The following CCDC73 variants were observed in gnomAD, a reference collection of about 807,000 sequenced individuals.
The protein encoded by CCDC73 is coiled-coil domain containing 73.
A neutral mutation model predicts 116.5 loss-of-function variants in CCDC73; 95 were observed. That is an observed-to-expected ratio of 0.82 (90% CI 0.69 to 0.97). The LOEUF is 0.97. CCDC73 is among the 50% of genes least tolerant of loss of function. CCDC73 has a pLI of 0.00. For missense variants in CCDC73, 1,066 were observed against 1,206.8 expected, an observed-to-expected ratio of 0.88 and a Z score of 1.73; for synonymous variants, 398 against 401.3, an observed-to-expected ratio of 0.99 and a Z score of 0.10.
At chr11:32,727,919 C>G (rs1590616207) in intron 2 of CCDC73, among the ~76,000 whole-genome samples, 1 of 152,004 alleles carries the variant, frequency 6.6e-6, no homozygotes, top group East Asian at 1.9e-4. Flanking sequence ...TCTATTTCTC[C>G]TTTTCCTCCT....
chr11:32,623,640 C>T (rs114436366), intron 14 of CCDC73, among the ~76,000 whole-genome samples: 2,268 of 152,244 alleles, frequency 0.015, 60 homozygotes, highest in African/African-American at 0.051. Flanking sequence ...ATGCATGAGC[C>T]ACCATGCCCA....
At chr11:32,829,091 C>A in the CCDC73 span, among the ~76,000 whole-genome samples, 1 of 151,728 alleles carries the variant, frequency 6.6e-6, no homozygotes, top group African/African-American at 2.4e-5. Context: ...AAAGTGAGAC[C>A]CCCTACTCTG....
At chr11:32,776,377 A>G (rs1850532477) in intron 1 of CCDC73, among the ~76,000 whole-genome samples, 1 of 152,136 alleles carries the variant, frequency 6.6e-6, no homozygotes, top group Non-Finnish European at 1.5e-5. Flanking sequence ...TTTGTATACA[A>G]ATCAAGCCCA....
the CCDC73 span, among the ~76,000 whole-genome samples, chr11:32,805,445 A>G: frequency 3.1e-3 from 474 of 152,338 alleles, no homozygotes; most frequent in African/African-American, 0.011. Context: ...AGGATGAAAG[A>G]GCTCTTAAAA....
At chr11:32,741,780 G>C (rs1210734930) in intron 2 of CCDC73, among the ~76,000 whole-genome samples, 1 of 151,954 alleles carries the variant, frequency 6.6e-6, no homozygotes, top group African/African-American at 2.4e-5. Context: ...ATGTACATTA[G>C]GTATTTCTCC....
At chr11:32,797,200 T>A (rs1460211070), upstream of CCDC73, among the ~76,000 whole-genome samples, 1 of 152,098 alleles carries the variant, frequency 6.6e-6, no homozygotes, top group Non-Finnish European at 1.5e-5. Flanking sequence ...TAGTCCCAGT[T>A]GCTTTGGAGG....
chr11:32,738,056 C>T (rs1850151461), intron 2 of CCDC73, among the ~76,000 whole-genome samples: 1 of 152,136 alleles, frequency 6.6e-6, no homozygotes, highest in Non-Finnish European at 1.5e-5. Flanking sequence ...GTTATACATT[C>T]ATATACACTG....
At chr11:32,718,238 T>C (rs1231255744) in intron 2 of CCDC73, 91 bp from the exon 3 acceptor site, 22 of 758,072 alleles carry the variant, frequency 2.9e-5, no homozygotes, top group Non-Finnish European at 4.5e-5. Flanking sequence ...AGAAATAGCA[T>C]ACTCCCACCT....
At chr11:32,656,891 A>G (rs952604724) in intron 9 of CCDC73, among the ~76,000 whole-genome samples, 6 of 152,236 alleles carry the variant, frequency 3.9e-5, no homozygotes, top group Non-Finnish European at 8.8e-5. Context: ...TTAGAGTGGC[A>G]AGATTATAGG....
intron 14 of CCDC73, among the ~76,000 whole-genome samples, chr11:32,630,247 A>G (rs1855619506): frequency 6.6e-6 from 1 of 152,236 alleles, no homozygotes; most frequent in Non-Finnish European, 1.5e-5. Flanking sequence ...TATACACGAT[A>G]AATTAAACTC....
At chr11:32,822,925 A>G in the CCDC73 span, among the ~76,000 whole-genome samples, 3 of 152,210 alleles carry the variant, frequency 2.0e-5, no homozygotes, top group African/African-American at 4.8e-5. Context: ...ACCTCATAGT[A>G]GGTTCAATAC....
intron 1 of CCDC73, among the ~76,000 whole-genome samples, chr11:32,761,155 T>C (rs934216483): frequency 1.3e-5 from 2 of 152,188 alleles, no homozygotes; most frequent in African/African-American, 4.8e-5. Context: ...TACTAATCTG[T>C]TATCTATCTC....
intron 7 of CCDC73, among the ~76,000 whole-genome samples, chr11:32,679,610 C>T (rs917250897): frequency 5.3e-5 from 8 of 152,236 alleles, no homozygotes; most frequent in African/African-American, 1.2e-4. Flanking sequence ...GCAATCCACC[C>T]GCCTTGGCCT....
At chr11:32,691,279 C>T (rs1049361057) in intron 6 of CCDC73, among the ~76,000 whole-genome samples, 1 of 152,128 alleles carries the variant, frequency 6.6e-6, no homozygotes, top group Non-Finnish European at 1.5e-5. Context: ...CTCCTGACCT[C>T]TGGTGATCTG....
chr11:32,793,242 G>A (rs1203555312), intron 1 of CCDC73, among the ~76,000 whole-genome samples: 1 of 152,180 alleles, frequency 6.6e-6, no homozygotes, highest in Non-Finnish European at 1.5e-5. Flanking sequence ...CCTGAAACCA[G>A]GGAGAGTTGT....
chr11:32,663,981 C>T (rs1425583258), intron 9 of CCDC73, among the ~76,000 whole-genome samples: 1 of 152,050 alleles, frequency 6.6e-6, no homozygotes, highest in African/African-American at 2.4e-5. Context: ...CTGGATTACA[C>T]TTATTGATTT....
intron 9 of CCDC73, among the ~76,000 whole-genome samples, chr11:32,664,116 A>G (rs1322954005): frequency 6.6e-6 from 1 of 152,158 alleles, no homozygotes; most frequent in East Asian, 1.9e-4. Context: ...ATCGATGTTC[A>G]TTAGGGATAT....
intron 12 of CCDC73, among the ~76,000 whole-genome samples, chr11:32,648,174 A>C (rs1855795064): frequency 6.6e-6 from 1 of 152,242 alleles, no homozygotes; most frequent in African/African-American, 2.4e-5. Context: ...GTACTTCTAG[A>C]GGCACATGAT....
At chr11:32,776,963 A>G (rs371727975) in intron 1 of CCDC73, among the ~76,000 whole-genome samples, 4,577 of 126,488 alleles carry the variant, frequency 0.036, 102 homozygotes, top group Non-Finnish European at 0.051. Flanking sequence ...ATATATATAC[A>G]CACACACACA....
Sources: gnomAD v4.1 joint callset for allele counts (sites outside exome capture counted in the v4.1 genomes callset) on GRCh38, gnomAD v4.1.1 for gene constraint, MANE v1.5 for transcripts, NCBI Gene and HGNC (gene_info 2026-07-23, HGNC 2026-07-21) for gene names.